Variants in TRIO observed in about 807,000 individuals in gnomAD.
TRIO encodes the protein triple functional domain protein.
In TRIO, 58 loss-of-function variants were observed where a neutral mutation model predicts 351.9. The observed-to-expected ratio is 0.16, with a 90% CI of 0.13 to 0.21. TRIO has a LOEUF of 0.21. TRIO is among the 10% of genes least tolerant of loss of function. The probability of loss-of-function intolerance (pLI) is 1.00; values close to 1 mark genes in which losing one functional copy is unlikely to be tolerated. For synonymous variants in TRIO, 1,758 were observed against 1,595.7 expected (o/e 1.10, Z -2.42); for missense variants, 3,201 against 4,027.8 (o/e 0.79, Z 5.56).
chr5:14,221,334 A>G (rs1036432576), intron 1 of TRIO, among the ~76,000 whole-genome samples: 1 of 152,214 alleles, frequency 6.6e-6, no homozygotes, highest in Admixed American at 6.5e-5. Context: ...GCCGGCTAAC[A>G]CAACATCCGT....
At chr5:14,418,313 GTT>G (rs1160769461) in intron 33 of TRIO, among the ~76,000 whole-genome samples, 3 of 152,132 alleles carry the variant, frequency 2.0e-5, no homozygotes, top group Non-Finnish European at 4.4e-5. Flanking sequence ...AGGATGACGT[GTT>G]TTTAGAAGGT....
At chr5:14,422,137 A>G (rs1245523767) in intron 34 of TRIO, among the ~76,000 whole-genome samples, 10 of 152,164 alleles carry the variant, frequency 6.6e-5, no homozygotes, top group Non-Finnish European at 1.3e-4. Context: ...CGAGTTAAAC[A>G]TGGCCCCTCT....
intron 1 of TRIO, among the ~76,000 whole-genome samples, chr5:14,239,245 A>G (rs963665890): frequency 2.6e-5 from 4 of 152,166 alleles, no homozygotes; most frequent in African/African-American, 9.7e-5. Flanking sequence ...TTTCTATCCT[A>G]GTTAGCAGTA....
chr5:14,233,276 T>C (rs1238219168), intron 1 of TRIO, among the ~76,000 whole-genome samples: 1 of 145,444 alleles, frequency 6.9e-6, no homozygotes, highest in Non-Finnish European at 1.5e-5. Flanking sequence ...AGCCCAGGAG[T>C]TCGAGACCAG....
At chr5:14,331,358 G>A (rs1740891188) in intron 10 of TRIO, among the ~76,000 whole-genome samples, 2 of 152,116 alleles carry the variant, frequency 1.3e-5, no homozygotes, top group Non-Finnish European at 2.9e-5. Flanking sequence ...CCTGACTTTG[G>A]ACAAGTCGCT....
chr5:14,450,900 A>G (rs1752806163), intron 34 of TRIO, among the ~76,000 whole-genome samples: 1 of 152,228 alleles, frequency 6.6e-6, no homozygotes, highest in African/African-American at 2.4e-5. Context: ...TCTTTTCCAG[A>G]GGAACAAATT....
chr5:14,265,083 C>CT (rs199891022), intron 1 of TRIO, among the ~76,000 whole-genome samples: 20,959 of 137,654 alleles, frequency 0.15, 1,770 homozygotes, highest in African/African-American at 0.23. Flanking sequence ...ATGTAGGATT[C>CT]TTTTTTTTTT....
intron 8 of TRIO, among the ~76,000 whole-genome samples, chr5:14,306,967 G>C (rs1343509294): frequency 6.6e-6 from 1 of 152,078 alleles, no homozygotes; most frequent in African/African-American, 2.4e-5. Flanking sequence ...GGTCTTAGAT[G>C]GAATTTTAGC....
intron 31 of TRIO, among the ~76,000 whole-genome samples, chr5:14,403,336 G>C (rs1156849263): frequency 9.0e-6 from 1 of 111,470 alleles, no homozygotes; most frequent in Non-Finnish European, 1.7e-5. Context: ...TGTAGGTTGT[G>C]GTGAGGGTGC....
chr5:14,488,628 T>C, intron 48 of TRIO: 1 of 496,926 alleles, frequency 2.0e-6, no homozygotes, highest in Non-Finnish European at 3.6e-6. Context: ...CCTGTTTAAA[T>C]TGAAACCTGT....
At chr5:14,438,913 C>G (rs1057349969) in intron 34 of TRIO, among the ~76,000 whole-genome samples, 1 of 152,232 alleles carries the variant, frequency 6.6e-6, no homozygotes. Context: ...CAGTCTCTCA[C>G]CTACATGACT....
At chr5:14,412,622 C>G (rs1749299464) in intron 33 of TRIO, among the ~76,000 whole-genome samples, 3 of 152,332 alleles carry the variant, frequency 2.0e-5, no homozygotes, top group Admixed American at 1.3e-4. Flanking sequence ...AGAGGATGCT[C>G]TCTGCCTCCT....
chr5:14,249,273 G>A (rs1182220476), intron 1 of TRIO, among the ~76,000 whole-genome samples: 1 of 152,256 alleles, frequency 6.6e-6, no homozygotes, highest in Admixed American at 6.5e-5. Flanking sequence ...GAGCCATCCT[G>A]AAATTCTGTG....
intron 33 of TRIO, among the ~76,000 whole-genome samples, chr5:14,416,125 TC>T (rs540215974): frequency 8.0e-5 from 12 of 150,078 alleles, no homozygotes; most frequent in Non-Finnish European, 1.8e-4. Flanking sequence ...AAATGGTAAC[TC>T]TTTCAACTGA....
At chr5:14,471,196 G>T in intron 37 of TRIO, 122 bp from the exon 38 acceptor site, 1 of 1,292,120 alleles carries the variant, frequency 7.7e-7, no homozygotes. Flanking sequence ...CACAAACAAA[G>T]ATTTTATAAT....
chr5:14,239,659 C>G (rs1310168686), intron 1 of TRIO, among the ~76,000 whole-genome samples: 1 of 152,188 alleles, frequency 6.6e-6, no homozygotes, highest in Non-Finnish European at 1.5e-5. Flanking sequence ...GAACTGAATT[C>G]TGATCAGCTT....
At chr5:14,206,186 G>A (rs527774847) in intron 1 of TRIO, among the ~76,000 whole-genome samples, 2 of 152,138 alleles carry the variant, frequency 1.3e-5, no homozygotes, top group African/African-American at 4.8e-5. Context: ...TCAGCCTCCT[G>A]TGTATCTGGG....
rs1249029623 is a variant in TRIO at position 14,488,160 on chromosome 5, G to A, written c.7532G>A (p.Arg2511Gln). Residue 2511 changes from arginine (R) to glutamine (Q), a missense_variant, in exon 48 of 57, where the codon CGG (arginine) becomes CAG (glutamine). Coordinates refer to ENST00000344204, the MANE Select transcript of TRIO (RefSeq NM_007118.4). The part of the protein sequence containing the change: ...TFPGDSDSLQ[R>Q]QTPRHAAPGK... ...CCGGGGGACAGCGACTCCCTCCAGC[G>A]GCAGACACCCCGCCACGCGGCCCCT... 1.9e-6 allele frequency: 3 copies of A among 1,605,516 alleles called. No homozygotes were observed. The highest frequency in any genetic ancestry group is 1.1e-5 in the South Asian group (1 of 90,930).
At chr5:14,281,424 A>ACCCCCCCCCCCCCCCCCCCC (rs3061076) in intron 3 of TRIO, among the ~76,000 whole-genome samples, 2 of 89,332 alleles carry the variant, frequency 2.2e-5, no homozygotes, top group African/African-American at 4.7e-5. Context: ...AGCCGTTAGA[A>ACCCCCCCCCCCCCCCCCCCC]CCCCCCCCCC....
Sources: gnomAD v4.1 joint callset for allele counts (sites outside exome capture counted in the v4.1 genomes callset) on GRCh38, gnomAD v4.1.1 for gene constraint, MANE v1.5 for transcripts, NCBI Gene and HGNC (gene_info 2026-07-23, HGNC 2026-07-21) for gene names.